The following AMTN variants were observed in gnomAD, a reference collection of about 807,000 sequenced individuals.
AMTN encodes amelotin.
In AMTN, 29 loss-of-function variants were observed where a neutral mutation model predicts 27.4. That is an observed-to-expected ratio of 1.06 (90% CI 0.79 to 1.44). The LOEUF is 1.44. AMTN is among the 40% of genes most tolerant of loss of function. The probability of loss-of-function intolerance (pLI) is 0.00; values close to 1 mark genes in which losing one functional copy is unlikely to be tolerated. For missense variants in AMTN, 247 were observed against 248.8 expected (o/e 0.99, Z 0.05); for synonymous variants, 86 against 95.7 (o/e 0.90, Z 0.59).
intron 5 of AMTN, among the ~76,000 whole-genome samples, chr4:70,526,426 T>G (rs1391983917): frequency 6.6e-6 from 1 of 152,166 alleles, no homozygotes; most frequent in Non-Finnish European, 1.5e-5. Flanking sequence ...CTATAAACAA[T>G]GCTACAGTGA....
chr4:70,522,672 A>T, intron 2 of AMTN, 83 bp from the exon 3 acceptor site: 2 of 1,294,478 alleles, frequency 1.5e-6, no homozygotes, highest in Non-Finnish European at 2.2e-6. Context: ...ACATGTTTGC[A>T]TTGGTGGCAA....
intron 8 of AMTN, among the ~76,000 whole-genome samples, chr4:70,531,558 G>T (rs1736225239): frequency 6.6e-6 from 1 of 152,202 alleles, no homozygotes; most frequent in South Asian, 2.1e-4. Context: ...TGTTGCCCGG[G>T]CTGGAGTGCA....
At chr4:70,521,293 T>A (rs1735954658) in intron 2 of AMTN, among the ~76,000 whole-genome samples, 1 of 147,932 alleles carries the variant, frequency 6.8e-6, no homozygotes, top group Non-Finnish European at 1.5e-5. Context: ...GGCAGGAAAA[T>A]CATTTGAACC....
chr4:70,522,762 A>G lies in AMTN; in HGVS notation c.62A>G (p.Lys21Arg). Residue 21 changes from lysine (K) to arginine (R), a missense_variant, in exon 3 of 9, where the codon AAA becomes AGA. Physicochemically the swap from Lys to Arg is conservative, Grantham distance 26. Transcript: ENST00000339336. ...TATTTGTTTTCACAAAAGCAGCTCA[A>G]ACCTGCTTTGGGACTCCCTCCCACA... Reference protein sequence around the residue: ...LGSTRSLPQLKPALGLPPTKL... With the variant: ...LGSTRSLPQLRPALGLPPTKL... 1 of 1,613,994 alleles carries G rather than the reference A, an allele frequency of 6.2e-7. No individual in the cohort carries two copies. Among genetic ancestry groups the G allele is most frequent in the South Asian group, 1.1e-5 (1 of 91,076 alleles).
chr4:70,531,551 T>G (rs1736224998), intron 8 of AMTN, among the ~76,000 whole-genome samples: 1 of 152,186 alleles, frequency 6.6e-6, no homozygotes, highest in African/African-American at 2.4e-5. Context: ...CTTGCTCTGT[T>G]GCCCGGGCTG....
chr4:70,528,049 G>A lies in AMTN; in HGVS notation c.295-674G>A, dbSNP rs990819507. Among the ~76,000 whole-genome samples, 7 of 152,216 alleles carry A rather than the reference G, an allele frequency of 4.6e-5. 1 individual carries two copies. Among genetic ancestry groups the A allele is most frequent in the African/African-American group, 9.6e-5 (4 of 41,540 alleles). ...CTTCACATTTGAAAATACCCATCGC[G>A]TGTTTTAATGTGTCTTCTGAGATGC... On this transcript the variant is annotated intron_variant, in intron 5 of 8. Coordinates refer to ENST00000339336, the MANE Select transcript of AMTN (RefSeq NM_212557.4).
chr4:70,528,657 A>T, intron 5 of AMTN, 66 bp from the exon 6 acceptor site: 3 of 1,425,130 alleles, frequency 2.1e-6, no homozygotes, highest in Admixed American at 1.8e-5. Flanking sequence ...CTCCAAAAAA[A>T]GATATCAGTA....
intron 5 of AMTN, among the ~76,000 whole-genome samples, chr4:70,526,887 C>T (rs1267938593): frequency 6.6e-6 from 1 of 152,180 alleles, no homozygotes; most frequent in East Asian, 1.9e-4. Flanking sequence ...GTTCCCATAC[C>T]TGACCTTCCC....
chr4:70,528,750 G>A lies in AMTN; in HGVS notation c.322G>A (p.Gly108Arg), dbSNP rs770152947. 1 of 1,596,574 alleles carries A rather than the reference G, an allele frequency of 6.3e-7. No homozygotes were observed. Among genetic ancestry groups the A allele is most frequent in the Non-Finnish European group, 8.5e-7 (1 of 1,174,538 alleles). ...GTTACCAATTTTTGTCACACAACTT[G>A]GAGCCCAGGTAAAAATTATGCTTAA... Reference protein sequence around the residue: ...HVLPIFVTQLGAQGTILSSEE... With the variant: ...HVLPIFVTQLRAQGTILSSEE... Residue 108 changes from glycine (G) to arginine (R), a missense_variant, in exon 6 of 9, where the codon GGA (glycine) becomes AGA (arginine). By Grantham distance (125) the Gly-to-Arg change is moderately radical. Transcript: ENST00000339336.
At chr4:70,520,481 GA>G (rs1481784178) in intron 2 of AMTN, among the ~76,000 whole-genome samples, 1 of 152,144 alleles carries the variant, frequency 6.6e-6, no homozygotes, top group Non-Finnish European at 1.5e-5. Flanking sequence ...ACAATGAGTA[GA>G]AGAAATAAAT....
At chr4:70,519,932 GTC>G (rs10631834) in intron 2 of AMTN, among the ~76,000 whole-genome samples, 13,923 of 150,622 alleles carry the variant, frequency 0.092, 858 homozygotes, top group African/African-American at 0.16. Context: ...GTGTGTGTGT[GTC>G]TGTGTGTGTG....
intron 2 of AMTN, among the ~76,000 whole-genome samples, chr4:70,519,898 A>T (rs1735914804): frequency 6.7e-6 from 1 of 149,354 alleles, no homozygotes; most frequent in African/African-American, 2.5e-5. Flanking sequence ...CTTTATCCCA[A>T]ATACATACTA....
intron 5 of AMTN, among the ~76,000 whole-genome samples, chr4:70,526,108 T>C (rs1046713621): frequency 6.6e-6 from 1 of 152,150 alleles, no homozygotes; most frequent in Non-Finnish European, 1.5e-5. Context: ...ATGTAAATTT[T>C]CTAAAATTTA....
At chr4:70,523,504 C>T (rs1238657668) in intron 3 of AMTN, among the ~76,000 whole-genome samples, 1 of 152,132 alleles carries the variant, frequency 6.6e-6, no homozygotes, top group Non-Finnish European at 1.5e-5. Context: ...AGTCAAGACC[C>T]ATTCTCCCCG....
chr4:70,531,192 C>T lies in AMTN; in HGVS notation c.511C>T (p.Arg171Cys), dbSNP rs201349837. The change falls in exon 8 of 9, where the codon CGC becomes TGC. Residue 171 changes from arginine to cysteine, a missense_variant. By Grantham distance (180) the Arg-to-Cys change is radical (BLOSUM62 -3). Coordinates refer to ENST00000339336, the MANE Select transcript of AMTN (RefSeq NM_212557.4). ...TGCCACCCAGGGAACCCCAGCAGGC[C>T]GCCTCCCAACTCCCAGTGGCACAGA... is the stretch of plus-strand genomic sequence containing the variant. ...NPATQGTPAG[R>C]LPTPSGTDDD... 2.7e-5 allele frequency: 44 copies of T among 1,613,998 alleles called. No homozygotes were observed. In the Middle Eastern group the frequency reaches 6.6e-4, roughly 24 times the overall value.
intron 2 of AMTN, 129 bp from the exon 3 acceptor site, chr4:70,522,626 C>CA: frequency 1.1e-6 from 1 of 889,904 alleles, no homozygotes; most frequent in Non-Finnish European, 1.8e-6. Context: ...TTCAGGGAAT[C>CA]AAACTCCTCT....
At chr4:70,523,345 G>A (rs770041693) in intron 3 of AMTN, among the ~76,000 whole-genome samples, 2 of 152,150 alleles carry the variant, frequency 1.3e-5, no homozygotes, top group Non-Finnish European at 2.9e-5. Flanking sequence ...TTTGAAAACT[G>A]CATTATCTTT....
chr4:70,529,805 G>A (rs17149012), intron 7 of AMTN, among the ~76,000 whole-genome samples: 27,513 of 151,990 alleles, frequency 0.18, 2,802 homozygotes, highest in African/African-American at 0.26. Context: ...ACAGAATTGA[G>A]GCAATATTTG....
At position 70,532,570 on chromosome 4, in the gene AMTN, TA is replaced by T. The variant is rs1334456205; in HGVS notation, c.*106del. On this transcript the variant is annotated 3_prime_UTR_variant, in exon 9 of 9. Transcript: ENST00000339336. ...TAGATTGAGACACATTGGATAGTCT[TA>T]GAAGAAATTAATTCTTAATTTACCT... is the stretch of plus-strand genomic sequence containing the variant. 1 of 1,016,098 alleles carries T rather than the reference TA, an allele frequency of 9.8e-7. No individual in the cohort carries two copies. The highest frequency in any genetic ancestry group is 1.5e-6 in the Non-Finnish European group (1 of 685,814). 62.9% of individuals were successfully genotyped at this position (1,016,098 alleles called of 1,614,324 possible). A position where few individuals can be genotyped will look rare whatever the true frequency, so the allele number is the denominator to read the frequency against.
Sources: allele counts gnomAD v4.1 joint callset (sites outside exome capture counted in the v4.1 genomes callset), GRCh38; gene constraint gnomAD v4.1.1; transcripts MANE v1.5; gene names NCBI Gene and HGNC (gene_info 2026-07-23, HGNC 2026-07-21).